Variants in DHX8 observed in about 807,000 individuals in gnomAD.
The protein encoded by DHX8 is DEAH-box helicase 8, also known as ATP-dependent RNA helicase DHX8.
Under a neutral mutation model 140.7 loss-of-function variants are expected in DHX8, and 67 were observed. The observed-to-expected ratio is 0.48, with a 90% CI of 0.39 to 0.58. DHX8 has a LOEUF of 0.58. DHX8 is among the 20% of genes least tolerant of loss of function. DHX8 has a pLI of 0.00. For missense variants in DHX8, 887 were observed against 1,550.7 expected, an observed-to-expected ratio of 0.57 and a Z score of 7.19; for synonymous variants, 533 against 553.2, an observed-to-expected ratio of 0.96 and a Z score of 0.51.
At chr17:43,511,185 C>A (rs982894851) in intron 16 of DHX8, among the ~76,000 whole-genome samples, 3 of 152,004 alleles carry the variant, frequency 2.0e-5, no homozygotes, top group Non-Finnish European at 4.4e-5. Context: ...CAAAAATTAG[C>A]CAGGCGTGGT....
chr17:43,528,727 TAACGCTCACCAGCCACCTATGGGG>T (rs777844798), downstream of DHX8: 1 of 1,613,970 alleles, frequency 6.2e-7, no homozygotes, highest in Non-Finnish European at 8.5e-7. Flanking sequence ...CTTGTACACG[TAACGCTCACCAGCCACCTATGGGG>T]AGAGAGAAGG....
chr17:43,542,534 ATTCT>A (rs1249442216), intron 3 of DHX8, among the ~76,000 whole-genome samples: 6 of 152,164 alleles, frequency 3.9e-5, no homozygotes, highest in Admixed American at 1.3e-4. Context: ...TAGCAGCCTG[ATTCT>A]TTCCCCAACA....
downstream of DHX8, chr17:43,529,625 T>A: frequency 6.2e-7 from 1 of 1,614,034 alleles, no homozygotes; most frequent in East Asian, 2.2e-5. Flanking sequence ...ACCCCGGCGC[T>A]GGTAGGGCGG....
chr17:43,503,244 T>C (rs1969300537), intron 11 of DHX8, among the ~76,000 whole-genome samples: 1 of 152,120 alleles, frequency 6.6e-6, no homozygotes, highest in Non-Finnish European at 1.5e-5. Context: ...ATGCCTGTAA[T>C]CCCAGCAGTT....
At chr17:43,489,204 T>C (rs1200336169) in intron 1 of DHX8, among the ~76,000 whole-genome samples, 1 of 152,052 alleles carries the variant, frequency 6.6e-6, no homozygotes. Context: ...GGGGTTTCAC[T>C]GTGTTAGCCA....
At chr17:43,533,172 TC>T in intron 2 of DHX8, 13 of 1,612,766 alleles carry the variant, frequency 8.1e-6, no homozygotes, top group Non-Finnish European at 1.1e-5. Context: ...GCAGTGGGTT[TC>T]CCTGTCTCCT....
chr17:43,523,527 A>G (rs2154586936), intron 22 of DHX8, 101 bp from the exon 23 acceptor site: 1 of 1,534,634 alleles, frequency 6.5e-7, no homozygotes, highest in Non-Finnish European at 8.8e-7. Context: ...GAGAGGTAAT[A>G]GTATAAAATG....
intron 16 of DHX8, among the ~76,000 whole-genome samples, chr17:43,509,636 A>G (rs1969697276): frequency 1.3e-5 from 2 of 151,854 alleles, no homozygotes; most frequent in South Asian, 4.2e-4. Context: ...GGTGCATGCC[A>G]CCATTCTTGG....
intron 9 of DHX8, among the ~76,000 whole-genome samples, chr17:43,497,494 G>A (rs1199206711): frequency 6.6e-6 from 1 of 152,146 alleles, no homozygotes; most frequent in Non-Finnish European, 1.5e-5. Context: ...GCTCAGCCCT[G>A]TAATCCCAGC....
intron 1 of DHX8, among the ~76,000 whole-genome samples, chr17:43,488,804 A>G (rs1224314801): frequency 6.6e-6 from 1 of 152,136 alleles, no homozygotes; most frequent in East Asian, 1.9e-4. Context: ...AGTCTAGTCT[A>G]GGTGGCAGCG....
At chr17:43,544,564 T>C (rs1971701510), downstream of DHX8, 1 of 172,200 alleles carries the variant, frequency 5.8e-6, no homozygotes, top group African/African-American at 2.4e-5. Flanking sequence ...CTCTGGAGGA[T>C]GAGTGACAAA....
At chr17:43,535,077 G>A (rs1002450978) in intron 2 of DHX8, among the ~76,000 whole-genome samples, 5 of 152,144 alleles carry the variant, frequency 3.3e-5, no homozygotes, top group African/African-American at 4.8e-5. Flanking sequence ...TGGCCCCTGC[G>A]GGGTTCCCAA....
In DHX8 at chr17:43,491,191, A is replaced by G. The variant is rs1479364020; in HGVS notation, c.334A>G (p.Lys112Glu). 1.9e-6 allele frequency: 3 copies of G among 1,540,852 alleles called. No individual in the cohort carries two copies. Among genetic ancestry groups the G allele is most frequent in the Non-Finnish European group, 2.6e-6 (3 of 1,144,364 alleles). ...TCCAGTTGTTAAACCTAAAACAGAA[A>G]AAGAAAAGCTGAAGGAACTCTTCCC... ...KDPVVKPKTE[K>E]EKLKELFPVL... The change falls in exon 4 of 23, where the codon AAA (lysine) becomes GAA (glutamate). Residue 112 changes from lysine to glutamate, a missense_variant. By Grantham distance (56) the Lys-to-Glu change is moderately conservative (BLOSUM62 1). This residue lies in a region of DHX8 where 304 missense variants were observed against 306.9 expected (regional missense o/e 0.99). Transcript: ENST00000262415.
intron 16 of DHX8, 123 bp from the exon 17 acceptor site, chr17:43,513,239 A>T: frequency 9.5e-7 from 1 of 1,049,198 alleles, no homozygotes; most frequent in Non-Finnish European, 1.3e-6. Flanking sequence ...GTGTCATTTT[A>T]ACCGTCTAGA....
At chr17:43,519,579 G>A (rs77381129) in intron 18 of DHX8, 4,105 of 150,312 alleles carry the variant, frequency 0.027, 78 homozygotes, top group Non-Finnish European at 0.045. Context: ...CTCAACTCCC[G>A]GACTCAAGCG....
intron 12 of DHX8, 93 bp downstream of exon 12, chr17:43,504,918 G>A (rs1235396071): frequency 8.6e-7 from 1 of 1,166,880 alleles, no homozygotes; most frequent in Non-Finnish European, 1.2e-6. Context: ...GGACAAGTAT[G>A]TGCCTACTTG....
intron 2 of DHX8, among the ~76,000 whole-genome samples, chr17:43,531,845 A>C (rs1021794212): frequency 6.6e-6 from 1 of 152,198 alleles, no homozygotes; most frequent in African/African-American, 2.4e-5. Flanking sequence ...GATAGGGACC[A>C]GACACATCCT....
At position 43,523,714 on chromosome 17, in the gene DHX8, C is replaced by G; in HGVS notation, c.3530C>G (p.Ala1177Gly). The change falls in exon 23 of 23, where the codon GCC (alanine) becomes GGC (glycine). Residue 1177 changes from alanine to glycine, a missense_variant. By Grantham distance (60) the Ala-to-Gly change is moderately conservative. Transcript: ENST00000262415. ...TIDPRWLVEFAPAFFKVSDPT... is the reference protein window; with the variant it reads ...TIDPRWLVEFGPAFFKVSDPT... Reference sequence around the variant, plus strand: ...GACCCTCGGTGGCTTGTGGAGTTTGCCCCAGCCTTCTTCAAGGTCTCAGAC... The same window carrying G: ...GACCCTCGGTGGCTTGTGGAGTTTGGCCCAGCCTTCTTCAAGGTCTCAGAC... The G allele has an allele frequency of 1.9e-6, 3 of 1,614,120 alleles. No individual in the cohort carries two copies. The highest frequency in any genetic ancestry group is 2.5e-6 in the Non-Finnish European group (3 of 1,180,028).
chr17:43,496,515 C>T (rs978925437), intron 9 of DHX8, among the ~76,000 whole-genome samples: 4 of 152,244 alleles, frequency 2.6e-5, no homozygotes, highest in East Asian at 3.9e-4. Flanking sequence ...TGGTGGCTCA[C>T]GCCTGTAATC....
Sources: allele counts gnomAD v4.1 joint callset (sites outside exome capture counted in the v4.1 genomes callset), GRCh38; gene constraint gnomAD v4.1.1; regional missense constraint gnomAD v4.1.1; transcripts MANE v1.5; gene names NCBI Gene and HGNC (gene_info 2026-07-23, HGNC 2026-07-21).